Variants in CUX2 observed in about 807,000 individuals in gnomAD.
The protein encoded by CUX2 is cut like homeobox 2.
CUX2 carries 40 observed loss-of-function variants against 144.8 expected under a neutral mutation model. That is an observed-to-expected ratio of 0.28 (90% CI 0.21 to 0.36). The LOEUF is 0.36. Ranked by LOEUF, CUX2 falls within the 10% of genes least tolerant of loss-of-function variation. The pLI, the probability that CUX2 is intolerant of heterozygous loss-of-function variation, is 1.00. For missense variants in CUX2, 1,615 were observed against 1,994.0 expected (o/e 0.81, Z 3.62); for synonymous variants, 827 against 875.6 (o/e 0.94, Z 0.98).
chr12:111,263,643 A>AACAAG lies in CUX2; in HGVS notation c.223-114_223-113insGACAA. The AACAAG allele has an allele frequency of 1.2e-6, 1 of 864,006 alleles. No homozygotes were observed. The highest frequency in any genetic ancestry group is 2.4e-5 in the East Asian group (1 of 41,240). The allele number at this position is 864,006 out of a possible 1,614,324, so 53.5% of individuals were successfully genotyped here. A position where few individuals can be genotyped will look rare whatever the true frequency, so the allele number is the denominator to read the frequency against. On this transcript the variant is annotated intron_variant, in intron 3 of 21. Transcript: ENST00000261726. This position sits in a 1 kb window ranked among gnomAD's most constrained non-coding sequence, Gnocchi z 4.0. ...CTCTCTCAAAAACAAAACAAAACAA[A>AACAAG]ACAAAACAAAACAAAAAACCTGCAG...
At chr12:111,238,906 A>G (rs1372679093) in intron 3 of CUX2, among the ~76,000 whole-genome samples, 7 of 152,188 alleles carry the variant, frequency 4.6e-5, no homozygotes, top group Non-Finnish European at 1.0e-4. Context: ...TGAGTTGGGC[A>G]TGGTGGTGCA....
At position 111,074,526 on chromosome 12, in the gene CUX2, C is replaced by A. The variant is rs373267594; in HGVS notation, c.63+40286C>A. ...AGAGGCTTGTCTTTGCCCAACCTTG[C>A]CTGGGACCCCTCTGCCTGTGGCCTT... is the stretch of plus-strand genomic sequence containing the variant. On this transcript the variant is annotated intron_variant, in intron 1 of 21. Coordinates refer to ENST00000261726, the MANE Select transcript of CUX2 (RefSeq NM_015267.4). 4.6e-5 allele frequency among the ~76,000 whole-genome samples: 7 copies of A among 152,070 alleles called. 1 individual carries two copies. In the South Asian group the frequency reaches 1.5e-3, roughly 32 times the overall value.
chr12:111,104,270 C>A lies in CUX2; in HGVS notation c.63+70030C>A, dbSNP rs117793703. Among the ~76,000 whole-genome samples the A allele has an allele frequency of 8.5e-4, 130 of 152,252 alleles. 1 individual carries two copies. In the East Asian group the frequency reaches 0.02, roughly 23 times the overall value. ...CTTTTTCTGCCTTTCACTCTTCCCC[C>A]CTCACATAGTATAAAAAACAGGATC... On this transcript the variant is annotated intron_variant, in intron 1 of 21. Transcript: ENST00000261726.
rs1010115800 is a variant in CUX2, at chr12:111,181,637, G to A, written c.64-32563G>A. 2.0e-5 allele frequency among the ~76,000 whole-genome samples: 3 copies of A among 152,206 alleles called. No individual in the cohort carries two copies. In the East Asian group the frequency reaches 5.8e-4, roughly 29 times the overall value. ...AGGGCCTCTGTGCACCAGCTCCATT[G>A]CCAGGCAGGCCTGCGCAGATCTATA... On this transcript the variant is annotated intron_variant, in intron 1 of 21. Transcript: ENST00000261726.
intron 3 of CUX2, among the ~76,000 whole-genome samples, chr12:111,249,966 CTT>C (rs1883486291): frequency 6.6e-6 from 1 of 152,158 alleles, no homozygotes. Context: ...AGGGGCCACT[CTT>C]TGTGTTGCAA....
intron 1 of CUX2, among the ~76,000 whole-genome samples, chr12:111,183,205 G>A (rs1879300982): frequency 6.6e-6 from 1 of 152,252 alleles, no homozygotes; most frequent in South Asian, 2.1e-4. Context: ...ATGAATTACT[G>A]AATGAATGAA....
chr12:111,097,475 A>ACC (rs1872886521), intron 1 of CUX2, among the ~76,000 whole-genome samples: 1 of 152,208 alleles, frequency 6.6e-6, no homozygotes, highest in African/African-American at 2.4e-5. Context: ...TTTATTAGCA[A>ACC]CAAATACGAG....
At chr12:111,106,452 C>T (rs1873612606) in intron 1 of CUX2, among the ~76,000 whole-genome samples, 1 of 151,874 alleles carries the variant, frequency 6.6e-6, no homozygotes, top group African/African-American at 2.4e-5. Flanking sequence ...CCACTGCCCC[C>T]AGTCCTGGCT....
At position 111,322,450 on chromosome 12, in the gene CUX2, C is replaced by T. The variant is rs747433827; in HGVS notation, c.2796C>T (p.Ser932=). Residue 932 remains serine (S), a synonymous_variant, in exon 18 of 22, where the codon AGC becomes AGT. Transcript: ENST00000261726. The surrounding 1 kb of genome is among the most constrained non-coding windows in gnomAD (Gnocchi z 4.2). ...TGGGCCTGTCACAGGGCAGCGTGAG[C>T]GACATGCTGTCCCGGCCGAAGCCAT... ...KVLGLSQGSV[S]DMLSRPKPWS... 15 of 1,572,706 alleles carry T rather than the reference C, an allele frequency of 9.5e-6. No homozygotes were observed. Among genetic ancestry groups the T allele is most frequent in the East Asian group, 2.3e-5 (1 of 42,908 alleles).
At chr12:111,333,254 C>G (rs1035928852) in intron 18 of CUX2, among the ~76,000 whole-genome samples, 10 of 151,998 alleles carry the variant, frequency 6.6e-5, no homozygotes, top group Non-Finnish European at 1.5e-4. Flanking sequence ...CATGATGATG[C>G]ACACCTGTGG....
intron 3 of CUX2, among the ~76,000 whole-genome samples, chr12:111,233,221 A>C (rs1882567880): frequency 6.6e-6 from 1 of 152,102 alleles, no homozygotes; most frequent in East Asian, 1.9e-4. Flanking sequence ...CAGTCTCTCC[A>C]TATCTGCTCT....
At chr12:111,197,200 G>A (rs1044735323) in intron 1 of CUX2, among the ~76,000 whole-genome samples, 1 of 152,174 alleles carries the variant, frequency 6.6e-6, no homozygotes, top group Non-Finnish European at 1.5e-5. Flanking sequence ...CTCTCTCGAA[G>A]GACTGCTGTG....
At chr12:111,074,481 T>C (rs1358768426) in intron 1 of CUX2, among the ~76,000 whole-genome samples, 1 of 152,004 alleles carries the variant, frequency 6.6e-6, no homozygotes, top group East Asian at 1.9e-4. Context: ...CTGGGTCAGC[T>C]CTCTGCTGTG....
chr12:111,159,213 C>T (rs974341253), intron 1 of CUX2, among the ~76,000 whole-genome samples: 1 of 152,150 alleles, frequency 6.6e-6, no homozygotes, highest in South Asian at 2.1e-4. Flanking sequence ...GTGGCGCGAT[C>T]GTAGCTCGCT....
chr12:111,150,281 TA>T (rs1248284220), intron 1 of CUX2, among the ~76,000 whole-genome samples: 1 of 152,138 alleles, frequency 6.6e-6, no homozygotes, highest in African/African-American at 2.4e-5. Flanking sequence ...CTTGATGGGT[TA>T]AAAAAATTTT....
chr12:111,161,857 C>A (rs1592953085), intron 1 of CUX2, among the ~76,000 whole-genome samples: 2 of 152,230 alleles, frequency 1.3e-5, no homozygotes, highest in Admixed American at 1.3e-4. Context: ...ACTTCAGCCT[C>A]TCAAGTAGCT....
rs770932392 is a variant in CUX2 at position 111,287,435 on chromosome 12, G to A, written c.302-3983G>A. ...CTTTTTTCCTCCTGTCTCAAAAACC[G>A]GGACACAATAGGAAGCGTTTCCTTG... On this transcript the variant is annotated intron_variant, in intron 4 of 21. Transcript: ENST00000261726. This position sits in a 1 kb window ranked among gnomAD's most constrained non-coding sequence, Gnocchi z 4.2. 3.3e-5 allele frequency among the ~76,000 whole-genome samples: 5 copies of A among 152,218 alleles called. No homozygotes were observed. The highest frequency in any genetic ancestry group is 7.3e-5 in the Non-Finnish European group (5 of 68,046).
At chr12:111,238,318 C>T (rs1047567778) in intron 3 of CUX2, among the ~76,000 whole-genome samples, 7 of 152,240 alleles carry the variant, frequency 4.6e-5, no homozygotes, top group African/African-American at 1.7e-4. Flanking sequence ...CGGTGCCTGA[C>T]ACACAACAGG....
chr12:111,213,401 T>C (rs1229306132), intron 1 of CUX2, among the ~76,000 whole-genome samples: 1 of 152,206 alleles, frequency 6.6e-6, no homozygotes, highest in Non-Finnish European at 1.5e-5. Context: ...GCAGACATTG[T>C]CTGTGATGTG....
Sources: gnomAD v4.1 joint callset for allele counts (sites outside exome capture counted in the v4.1 genomes callset) on GRCh38, gnomAD v4.1.1 for gene constraint, Gnocchi (gnomAD v3.1) non-coding constraint, MANE v1.5 for transcripts, NCBI Gene and HGNC (gene_info 2026-07-23, HGNC 2026-07-21) for gene names.